CDK18: variants seen among roughly 807,000 people sequenced by gnomAD.
The protein encoded by CDK18 is cyclin dependent kinase 18.
CDK18 carries 52 observed loss-of-function variants against 62.0 expected under a neutral mutation model. The observed-to-expected ratio is 0.84, with a 90% CI of 0.67 to 1.06. The LOEUF (loss-of-function observed/expected upper bound fraction) is 1.06, where lower values mean the gene tolerates loss of function less well. Among genes scored for constraint, CDK18 ranks in the 50% least tolerant of loss-of-function variants. The pLI is 0.00. For synonymous variants in CDK18, 237 were observed against 247.0 expected (o/e 0.96, Z 0.38); for missense variants, 604 against 619.9 (o/e 0.97, Z 0.27).
intron 1 of CDK18, among the ~76,000 whole-genome samples, chr1:205,506,271 C>T (rs1667301057): frequency 1.3e-5 from 2 of 152,114 alleles, no homozygotes; most frequent in African/African-American, 4.8e-5. Flanking sequence ...GCTGCTATCT[C>T]GGGTTACCCT....
chr1:205,529,437 C>T lies in CDK18; in HGVS notation c.1178+8C>T. 2.5e-6 allele frequency: 4 copies of T among 1,612,872 alleles called. No homozygotes were observed. Among genetic ancestry groups the T allele is most frequent in the Non-Finnish European group, 3.4e-6 (4 of 1,179,322 alleles). On this transcript the variant is annotated splice_region_variant and intron_variant, in intron 12 of 15. Coordinates refer to ENST00000429964, the MANE Select transcript of CDK18 (RefSeq NM_212502.3). The stretch of plus-strand genomic sequence containing the variant: ...CATCAACCACGCGCCCAGGTAGCCC[C>T]TGCGCCCGCCGCCCCTCCTGCTGCG...
intron 13 of CDK18, 176 bp downstream of exon 13, chr1:205,529,739 A>T (rs928838924): frequency 2.6e-6 from 4 of 1,536,240 alleles, no homozygotes; most frequent in Non-Finnish European, 1.7e-6. Context: ...CATCCTCTGG[A>T]GTCTGTGCAC....
At position 205,528,295 on chromosome 1, in the gene CDK18, A is replaced by G. The variant is rs1668545766; in HGVS notation, c.974+127A>G. The G allele has an allele frequency of 8.7e-7, 1 of 1,143,130 alleles. No individual in the cohort carries two copies. Among genetic ancestry groups the G allele is most frequent in the African/African-American group, 1.5e-5 (1 of 64,564 alleles). The allele number at this position is 1,143,130 out of a possible 1,614,324, so 70.8% of individuals were successfully genotyped here. On this transcript the variant is annotated intron_variant, in intron 10 of 15. Transcript: ENST00000429964. This position sits in a 1 kb window ranked among gnomAD's most constrained non-coding sequence, Gnocchi z 4.2. ...TTCCTTTGCCTAAAAGCCTTGTGAC[A>G]TCCTGCTGAAATGGATGTTAAAAAA... is the stretch of plus-strand genomic sequence containing the variant.
Position 205,529,374 on chromosome 1 carries a change from C to G in CDK18, c.1123C>G (p.Arg375Gly). Residue 375 changes from arginine to glycine, a missense_variant, in exon 12 of 16, where the codon CGC (arginine) becomes GGC (glycine). Arg to Gly is a moderately radical substitution (Grantham distance 125). Transcript: ENST00000429964. ...WPGVTAFSEF[R>G]TYSFPCYLPQ... is the part of the protein sequence containing the mutation. ...CGGCGTGACCGCCTTCTCTGAGTTC[C>G]GCACCTACAGCTTCCCCTGCTACCT... 1 of 1,614,060 alleles carries G rather than the reference C, an allele frequency of 6.2e-7. No individual in the cohort carries two copies. Among genetic ancestry groups the G allele is most frequent in the Non-Finnish European group, 8.5e-7 (1 of 1,179,962 alleles).
chr1:205,523,449 G>A (rs1668247668), intron 2 of CDK18, 34 bp from the exon 3 acceptor site: 1 of 1,596,300 alleles, frequency 6.3e-7, no homozygotes, highest in African/African-American at 1.3e-5. Flanking sequence ...AGGACAGAGA[G>A]GCAGGGAGGG....
chr1:205,528,925 G>C lies in CDK18; in HGVS notation c.975-74G>C. 1 of 977,702 alleles carries C rather than the reference G, an allele frequency of 1.0e-6. No individual in the cohort carries two copies. Among genetic ancestry groups the C allele is most frequent in the South Asian group, 1.5e-5 (1 of 65,428 alleles). 60.6% of individuals were successfully genotyped at this position (977,702 alleles called of 1,614,324 possible). On this transcript the variant is annotated intron_variant, in intron 10 of 15. Coordinates refer to ENST00000429964, the MANE Select transcript of CDK18 (RefSeq NM_212502.3). The surrounding 1 kb of genome is among the most constrained non-coding windows in gnomAD (Gnocchi z 4.2). ...AGCCGCCTGTGGCAGGTCGTCATTG[G>C]TGCCCTGGTGGAGCAGCCCTAGGAA...
At chr1:205,507,645 A>T (rs1007353883) in intron 1 of CDK18, among the ~76,000 whole-genome samples, 4 of 151,154 alleles carry the variant, frequency 2.6e-5, no homozygotes, top group Admixed American at 6.6e-5. Flanking sequence ...AAAAAAAAAA[A>T]AAAAAAAAAA....
At chr1:205,529,751 G>A in intron 13 of CDK18, 188 bp downstream of exon 13, 1 of 1,531,896 alleles carries the variant, frequency 6.5e-7, no homozygotes, top group Admixed American at 2.0e-5. Flanking sequence ...TCTGTGCACT[G>A]CGAGCCCAAA....
intron 4 of CDK18, among the ~76,000 whole-genome samples, chr1:205,524,795 A>G (rs1668339094): frequency 6.6e-6 from 1 of 152,224 alleles, no homozygotes; most frequent in South Asian, 2.1e-4. Flanking sequence ...TGAGAGACAC[A>G]GTCAGAGAGG....
At chr1:205,508,791 C>A (rs1667429388) in intron 1 of CDK18, among the ~76,000 whole-genome samples, 1 of 151,194 alleles carries the variant, frequency 6.6e-6, no homozygotes, top group Non-Finnish European at 1.5e-5. Context: ...CTGCAGTGAT[C>A]CATGATTGCA....
chr1:205,526,987 G>T, intron 8 of CDK18, 150 bp downstream of exon 8: 1 of 660,436 alleles, frequency 1.5e-6, no homozygotes, highest in Admixed American at 2.4e-5. Context: ...TGCCATCAAC[G>T]AGTCCAGGAA....
intron 1 of CDK18, among the ~76,000 whole-genome samples, chr1:205,507,887 G>T (rs571274931): frequency 2.0e-4 from 30 of 152,260 alleles, no homozygotes; most frequent in Admixed American, 5.9e-4. Context: ...GGTGGTGGTG[G>T]TAGGGGAATG....
In CDK18 at chr1:205,523,286, G is replaced by T. The variant is rs778698485; in HGVS notation, c.119G>T (p.Arg40Leu). The change falls in exon 2 of 16, where the codon CGG becomes CTG. Residue 40 changes from arginine (R) to leucine (L), a missense_variant. Physicochemically the swap from Arg to Leu is moderately radical, Grantham distance 102 (BLOSUM62 -2). Transcript: ENST00000429964. The part of the protein sequence containing the change: ...FTEQFNQLHN[R>L]RNENLQLGPL... ...GAGCAATTCAACCAGCTCCACAACC[G>T]GCGGAATGAGAGTGAGGGGTCTGGG... 1.9e-6 allele frequency: 3 copies of T among 1,613,946 alleles called. No homozygotes were observed. The highest frequency in any genetic ancestry group is 1.7e-5 in the Admixed American group (1 of 59,992).
chr1:205,528,242 C>A lies in CDK18; in HGVS notation c.974+74C>A. On this transcript the variant is annotated intron_variant, in intron 10 of 15. Coordinates refer to ENST00000429964, the MANE Select transcript of CDK18 (RefSeq NM_212502.3). The surrounding 1 kb of genome is among the most constrained non-coding windows in gnomAD (Gnocchi z 4.2). ...ACCTCCAGACTCTCCTTTGCTTCCCCAAGGGCCTCGGGGAAGAACTGCCTA... is the reference window on the plus strand; with the variant it reads ...ACCTCCAGACTCTCCTTTGCTTCCCAAAGGGCCTCGGGGAAGAACTGCCTA... The A allele has an allele frequency of 6.4e-7, 1 of 1,555,548 alleles. No individual in the cohort carries two copies. The highest frequency in any genetic ancestry group is 1.2e-5 in the South Asian group (1 of 85,580).
Position 205,526,095 on chromosome 1 carries a change from A to G in CDK18, c.487A>G (p.Ser163Gly). Residue 163 changes from serine (S) to glycine (G), a missense_variant, in exon 6 of 16, where the codon AGC becomes GGC. By Grantham distance (56) the Ser-to-Gly change is moderately conservative. Transcript: ENST00000429964. ...CTATGCCACAGTCTTCAAAGGGCGC[A>G]GCAAACTGACGGAGAACCTTGTGGC... ...GTYATVFKGR[S>G]KLTENLVALK... 4 of 1,613,956 alleles carry G rather than the reference A, an allele frequency of 2.5e-6. No individual in the cohort carries two copies. The highest frequency in any genetic ancestry group is 2.5e-6 in the Non-Finnish European group (3 of 1,179,928).
rs1198098841 is a variant in CDK18 at position 205,527,423 on chromosome 1, G to A, written c.730-371G>A. 1.4e-5 allele frequency: 3 copies of A among 221,468 alleles called. No individual in the cohort carries two copies. In the Admixed American group the frequency reaches 1.6e-4, roughly 12 times the overall value. 13.7% of individuals were successfully genotyped at this position (221,468 alleles called of 1,614,324 possible). A position where few individuals can be genotyped will look rare whatever the true frequency, so the allele number is the denominator to read the frequency against. On this transcript the variant is annotated intron_variant, in intron 8 of 15. Transcript: ENST00000429964. The surrounding 1 kb of genome is among the most constrained non-coding windows in gnomAD (Gnocchi z 4.1). ...GAGCCCGGGAGGTTGAGGCTGCAGT[G>A]AGCCATGATCACACCACTGCACTCC...
chr1:205,531,252 C>T, intron 15 of CDK18, 92 bp from the exon 16 acceptor site: 1 of 1,183,532 alleles, frequency 8.4e-7, no homozygotes, highest in South Asian at 1.2e-5. Flanking sequence ...TCTGTCAGAG[C>T]AGCTCTGGGG....
At position 205,531,357 on chromosome 1, in the gene CDK18, C is replaced by T; in HGVS notation, c.1404C>T (p.Asn468=). 1 of 1,614,182 alleles carries T rather than the reference C, an allele frequency of 6.2e-7. No individual in the cohort carries two copies. The highest frequency in any genetic ancestry group is 8.5e-7 in the Non-Finnish European group (1 of 1,180,018). The change falls in exon 16 of 16, where the codon AAC becomes AAT. Residue 468 remains asparagine, a synonymous_variant. Coordinates refer to ENST00000429964, the MANE Select transcript of CDK18 (RefSeq NM_212502.3). ...LAFQQPGRGK[N]RRQSIF ...TCCATTCTCCAGGACGAGGGAAGAA[C>T]AGGCGGCAGAGCATCTTCTGAGCCA...
In CDK18 at chr1:205,532,317, CAG is replaced by C. The variant is rs1668771865; in HGVS notation, c.*942_*943del. ...GTCCTGGGGACGGCACCCAGATATG[CAG>C]AGTCACCCTGACACTGGTGCCAGGC... On this transcript the variant is annotated 3_prime_UTR_variant, in exon 16 of 16. Transcript: ENST00000429964. The C allele has an allele frequency of 6.5e-6, 1 of 152,708 alleles. No individual in the cohort carries two copies. The highest frequency in any genetic ancestry group is 2.4e-5 in the African/African-American group (1 of 41,456). 9.5% of individuals were successfully genotyped at this position (152,708 alleles called of 1,614,324 possible).
Sources: allele counts gnomAD v4.1 joint callset (sites outside exome capture counted in the v4.1 genomes callset), GRCh38; gene constraint gnomAD v4.1.1; non-coding constraint Gnocchi (gnomAD v3.1); transcripts MANE v1.5; gene names NCBI Gene and HGNC (gene_info 2026-07-23, HGNC 2026-07-21).